The following ZNF385B variants were observed in gnomAD, a reference collection of about 807,000 sequenced individuals.
The protein encoded by ZNF385B is zinc finger protein 533.
In ZNF385B, 23 loss-of-function variants were observed where a neutral mutation model predicts 39.2. The ratio of observed to expected loss-of-function variants is 0.59; its 90% confidence interval spans 0.42 to 0.83. The LOEUF is 0.83. Ranked by LOEUF, ZNF385B falls within the 40% of genes least tolerant of loss-of-function variation. The probability of loss-of-function intolerance (pLI) is 0.00; values close to 1 mark genes in which losing one functional copy is unlikely to be tolerated. For missense variants in ZNF385B, 552 were observed against 598.9 expected (o/e 0.92, Z 0.82); for synonymous variants, 205 against 222.6 (o/e 0.92, Z 0.70).
At chr2:179,680,350 T>C (rs1477230271) in intron 3 of ZNF385B, among the ~76,000 whole-genome samples, 1 of 152,200 alleles carries the variant, frequency 6.6e-6, no homozygotes, top group Non-Finnish European at 1.5e-5. Flanking sequence ...ACTATGGTTA[T>C]ACATAACATC....
At chr2:179,554,385 G>A (rs1190740963) in intron 3 of ZNF385B, among the ~76,000 whole-genome samples, 1 of 149,182 alleles carries the variant, frequency 6.7e-6, no homozygotes, top group African/African-American at 2.5e-5. Flanking sequence ...GCTTGTGTTT[G>A]AGGGGTATAT....
intron 4 of ZNF385B, among the ~76,000 whole-genome samples, chr2:179,519,326 A>G (rs1014881187): frequency 6.6e-6 from 1 of 152,242 alleles, no homozygotes; most frequent in Non-Finnish European, 1.5e-5. Flanking sequence ...TTTTAAAATA[A>G]TTTGTTAACT....
intron 4 of ZNF385B, among the ~76,000 whole-genome samples, chr2:179,530,115 G>A (rs1203292773): frequency 2.6e-5 from 4 of 152,106 alleles, no homozygotes; most frequent in Non-Finnish European, 5.9e-5. Flanking sequence ...GAAAGGACAG[G>A]CCAAATATCT....
At chr2:179,755,181 C>A (rs1415194904) in intron 3 of ZNF385B, among the ~76,000 whole-genome samples, 1 of 152,166 alleles carries the variant, frequency 6.6e-6, no homozygotes, top group African/African-American at 2.4e-5. Context: ...GCCTTCATTT[C>A]ATTATGTACC....
chr2:179,730,951 T>C (rs953213948), intron 3 of ZNF385B, among the ~76,000 whole-genome samples: 3 of 152,208 alleles, frequency 2.0e-5, no homozygotes, highest in African/African-American at 7.2e-5. Context: ...TGGGACCTTT[T>C]TCCACCTTTT....
chr2:179,486,036 G>A (rs1035580322), intron 5 of ZNF385B, among the ~76,000 whole-genome samples: 2 of 151,962 alleles, frequency 1.3e-5, no homozygotes, highest in African/African-American at 4.8e-5. Flanking sequence ...TAATCACGTG[G>A]GGAGAAAAGT....
At chr2:179,836,754 A>G (rs1164434235) in intron 1 of ZNF385B, among the ~76,000 whole-genome samples, 6 of 151,820 alleles carry the variant, frequency 4.0e-5, no homozygotes, top group Admixed American at 2.0e-4. Flanking sequence ...TCCTGACCTC[A>G]TGATCCACCC....
intron 3 of ZNF385B, among the ~76,000 whole-genome samples, chr2:179,568,346 C>T (rs143802539): frequency 6.6e-6 from 1 of 152,288 alleles, no homozygotes; most frequent in East Asian, 1.9e-4. Context: ...TACTTGTTTA[C>T]TTGTTCATTA....
intron 3 of ZNF385B, among the ~76,000 whole-genome samples, chr2:179,628,896 G>T (rs539956693): frequency 4.7e-4 from 71 of 152,262 alleles, no homozygotes; most frequent in African/African-American, 1.5e-3. Context: ...TTTACAGAAT[G>T]AATTTATACC....
At chr2:179,817,637 A>G (rs1477269918) in intron 1 of ZNF385B, among the ~76,000 whole-genome samples, 1 of 151,254 alleles carries the variant, frequency 6.6e-6, no homozygotes, top group African/African-American at 2.4e-5. Context: ...GTGTGTGAGT[A>G]GACATCACTG....
intron 1 of ZNF385B, chr2:179,814,712 C>T (rs1172388509): frequency 8.5e-6 from 2 of 234,050 alleles, no homozygotes; most frequent in Middle Eastern, 1.4e-3. Context: ...GTTGTGGAGG[C>T]CTTTTCATGT....
chr2:179,715,768 A>G (rs1487404267), intron 3 of ZNF385B, among the ~76,000 whole-genome samples: 1 of 152,174 alleles, frequency 6.6e-6, no homozygotes. Flanking sequence ...ACTATTAAAT[A>G]ATGTTAAATA....
chr2:179,842,619 T>C (rs1378371051), intron 1 of ZNF385B, among the ~76,000 whole-genome samples: 1 of 152,060 alleles, frequency 6.6e-6, no homozygotes, highest in Non-Finnish European at 1.5e-5. Flanking sequence ...GAAAAATTCA[T>C]ATGTTCCTAC....
chr2:179,627,581 G>C (rs1038528219), intron 3 of ZNF385B, among the ~76,000 whole-genome samples: 1 of 152,146 alleles, frequency 6.6e-6, no homozygotes, highest in Non-Finnish European at 1.5e-5. Context: ...GATGTGGGCT[G>C]GAGCTGGCTG....
Position 179,583,640 on chromosome 2 carries a change from A to G in ZNF385B, c.299-38671T>C, listed in dbSNP as rs142587079. On this transcript the variant is annotated intron_variant, in intron 3 of 9. Transcript: ENST00000410066. Reference sequence around the variant, plus strand: ...AATATTTTGCATATAATAGGTACTCAGACCTATTAGTGGTTACTAGCAATG... The same window carrying G: ...AATATTTTGCATATAATAGGTACTCGGACCTATTAGTGGTTACTAGCAATG... Among the ~76,000 whole-genome samples, 479 of 152,366 alleles carry G rather than the reference A, an allele frequency of 3.1e-3. 3 individuals are homozygous for G. Among genetic ancestry groups the G allele is most frequent in the African/African-American group, 0.011 (450 of 41,582 alleles).
rs76802391 is a variant in ZNF385B at position 179,475,109 on chromosome 2, T to C, written c.715+8163A>G. On this transcript the variant is annotated intron_variant, in intron 6 of 9. Coordinates refer to ENST00000410066, the MANE Select transcript of ZNF385B (RefSeq NM_152520.6). ...GCCTTATGCGGCTACTTAGAATTAA[T>C]TGAAATGAAATACAATGAAATATTG... Among the ~76,000 whole-genome samples, 135 of 152,290 alleles carry C rather than the reference T, an allele frequency of 8.9e-4. 1 individual carries two copies. The East Asian group carries it at 0.019, about 21-fold the overall frequency.
intron 3 of ZNF385B, among the ~76,000 whole-genome samples, chr2:179,610,339 A>G (rs1689186906): frequency 1.3e-5 from 2 of 152,086 alleles, no homozygotes; most frequent in Non-Finnish European, 2.9e-5. Context: ...TGTTCTTTGC[A>G]TTTTTGTCAA....
intron 3 of ZNF385B, among the ~76,000 whole-genome samples, chr2:179,727,540 G>A (rs7598837): frequency 0.031 from 4,647 of 152,132 alleles, 265 homozygotes; most frequent in African/African-American, 0.1. Flanking sequence ...AACAACGTTT[G>A]CCACCTCAAA....
intron 6 of ZNF385B, among the ~76,000 whole-genome samples, chr2:179,471,014 T>C (rs1228739250): frequency 1.3e-5 from 2 of 152,200 alleles, no homozygotes; most frequent in African/African-American, 2.4e-5. Flanking sequence ...ATGTCATACA[T>C]AGCTCCAAAA....
Sources: gnomAD v4.1 joint callset for allele counts (sites outside exome capture counted in the v4.1 genomes callset) on GRCh38, gnomAD v4.1.1 for gene constraint, MANE v1.5 for transcripts, NCBI Gene and HGNC (gene_info 2026-07-23, HGNC 2026-07-21) for gene names.